Variants in AFF3 observed in about 807,000 individuals in gnomAD.
The protein encoded by AFF3 is ALF transcription elongation factor 3, also known as AF4/FMR2 family member 3.
Under a neutral mutation model 129.7 loss-of-function variants are expected in AFF3, and 32 were observed. The observed-to-expected ratio is 0.25, with a 90% CI of 0.19 to 0.33. The LOEUF is 0.33. Ranked by LOEUF, AFF3 falls within the 10% of genes least tolerant of loss-of-function variation. The pLI is 1.00. For missense variants in AFF3, 1,373 were observed against 1,592.0 expected (o/e 0.86, Z 2.34); for synonymous variants, 644 against 635.4 (o/e 1.01, Z -0.20).
intron 7 of AFF3, among the ~76,000 whole-genome samples, chr2:99,855,719 G>A (rs1690475435): frequency 6.6e-6 from 1 of 152,130 alleles, no homozygotes; most frequent in Non-Finnish European, 1.5e-5. Flanking sequence ...CAAGAAGGTG[G>A]AGCGTAACTC....
chr2:99,611,702 C>T (rs1680941175), intron 13 of AFF3, among the ~76,000 whole-genome samples: 1 of 152,098 alleles, frequency 6.6e-6, no homozygotes, highest in African/African-American at 2.4e-5. Context: ...GCCTGGCCAA[C>T]ATGGTAAAAC....
intron 8 of AFF3, among the ~76,000 whole-genome samples, chr2:99,814,887 T>A (rs1338186658): frequency 6.6e-6 from 1 of 151,102 alleles, no homozygotes; most frequent in Non-Finnish European, 1.5e-5. Flanking sequence ...TCTCACTCTG[T>A]CACCCAGGAT....
chr2:99,683,952 T>C (rs1162929499), intron 11 of AFF3, among the ~76,000 whole-genome samples: 3 of 152,182 alleles, frequency 2.0e-5, no homozygotes, highest in Admixed American at 6.5e-5. Context: ...TTTTTCCTTG[T>C]AGTTTTATTC....
At chr2:99,811,821 CT>C (rs1301250469) in intron 8 of AFF3, among the ~76,000 whole-genome samples, 1 of 152,236 alleles carries the variant, frequency 6.6e-6, no homozygotes, top group East Asian at 1.9e-4. Flanking sequence ...AAGTCACACG[CT>C]TTATGTCTGC....
chr2:99,556,514 G>A (rs183015297), intron 22 of AFF3, among the ~76,000 whole-genome samples: 42 of 152,266 alleles, frequency 2.8e-4, no homozygotes. Context: ...AAGAAATACC[G>A]GTAGGAACAA....
chr2:99,662,921 C>T (rs1686371075), intron 12 of AFF3, among the ~76,000 whole-genome samples: 1 of 152,206 alleles, frequency 6.6e-6, no homozygotes, highest in South Asian at 2.1e-4. Context: ...TTTATTCAGA[C>T]TTGGCTGCCT....
At chr2:99,726,469 T>C (rs538220178) in intron 11 of AFF3, among the ~76,000 whole-genome samples, 37 of 152,372 alleles carry the variant, frequency 2.4e-4, no homozygotes, top group Non-Finnish European at 3.2e-4. Flanking sequence ...AATTTTTTAA[T>C]TTAAATGTTG....
At chr2:99,885,869 T>C (rs1693075257) in intron 7 of AFF3, among the ~76,000 whole-genome samples, 1 of 152,176 alleles carries the variant, frequency 6.6e-6, no homozygotes, top group Non-Finnish European at 1.5e-5. Flanking sequence ...TTGGAATCTA[T>C]CATGTGATAG....
At chr2:99,952,589 A>G (rs1315090255) in intron 7 of AFF3, among the ~76,000 whole-genome samples, 1 of 152,088 alleles carries the variant, frequency 6.6e-6, no homozygotes, top group Non-Finnish European at 1.5e-5. Flanking sequence ...GTGTGTTATT[A>G]TTTCTAGGCT....
chr2:99,843,281 C>G (rs1284451736), intron 7 of AFF3, among the ~76,000 whole-genome samples: 1 of 152,128 alleles, frequency 6.6e-6, no homozygotes, highest in Non-Finnish European at 1.5e-5. Flanking sequence ...CAGTTCTCTC[C>G]CAAATTCAGC....
At chr2:100,009,598 TTGTGTCA>T (rs1354564865) in intron 4 of AFF3, among the ~76,000 whole-genome samples, 4 of 152,184 alleles carry the variant, frequency 2.6e-5, no homozygotes, top group Non-Finnish European at 5.9e-5. Flanking sequence ...TTGAATTATG[TTGTGTCA>T]TCAAGGAACT....
At chr2:99,878,778 C>T (rs1692481458) in intron 7 of AFF3, among the ~76,000 whole-genome samples, 1 of 152,148 alleles carries the variant, frequency 6.6e-6, no homozygotes, top group Admixed American at 6.5e-5. Context: ...AGGGGATTCC[C>T]AATGCCTGCC....
intron 7 of AFF3, among the ~76,000 whole-genome samples, chr2:99,923,407 A>G (rs778780673): frequency 1.3e-5 from 2 of 152,226 alleles, no homozygotes; most frequent in African/African-American, 2.4e-5. Flanking sequence ...AAGTAGCTCG[A>G]AAGAAAAAGG....
chr2:99,598,534 C>T (rs1162487505), intron 14 of AFF3, among the ~76,000 whole-genome samples: 8 of 152,218 alleles, frequency 5.3e-5, no homozygotes, highest in Admixed American at 5.2e-4. Flanking sequence ...CCAGAAAGAA[C>T]ATCTCCTACG....
At chr2:99,941,657 A>G (rs1675050598) in intron 7 of AFF3, among the ~76,000 whole-genome samples, 1 of 152,252 alleles carries the variant, frequency 6.6e-6, no homozygotes, top group Non-Finnish European at 1.5e-5. Context: ...GGGGCTTCTT[A>G]CAAAGCTTCC....
At position 99,860,646 on chromosome 2, in the gene AFF3, T is replaced by C. The variant is rs1174205494; in HGVS notation, c.874-23122A>G. ...AGGAGGCTGAGGTAGGAGAATGGCTTGAACCCAGGAGGTAGAGGTTACAGT... is the reference window on the plus strand; with the variant it reads ...AGGAGGCTGAGGTAGGAGAATGGCTCGAACCCAGGAGGTAGAGGTTACAGT... On this transcript the variant is annotated intron_variant, in intron 7 of 24. Coordinates refer to ENST00000672756, the MANE Select transcript of AFF3 (RefSeq NM_001386135.1). Among the ~76,000 whole-genome samples, 3 of 152,008 alleles carry C rather than the reference T, an allele frequency of 2.0e-5. No individual in the cohort carries two copies. The East Asian group carries it at 5.8e-4, about 29-fold the overall frequency.
At chr2:99,919,409 A>C (rs146838786) in intron 7 of AFF3, among the ~76,000 whole-genome samples, 1 of 152,150 alleles carries the variant, frequency 6.6e-6, no homozygotes, top group Non-Finnish European at 1.5e-5. Context: ...TGGGTTGTCG[A>C]ATACGGGATG....
At chr2:99,586,341 G>A (rs756503326) in intron 16 of AFF3, among the ~76,000 whole-genome samples, 4 of 152,182 alleles carry the variant, frequency 2.6e-5, no homozygotes, top group Non-Finnish European at 5.9e-5. Context: ...GCTGCAGTGT[G>A]CCTGTGTGTG....
chr2:99,618,224 CTTTTTTTTT>C lies in AFF3; in HGVS notation c.1185-16612_1185-16604del, dbSNP rs70940180. Among the ~76,000 whole-genome samples the C allele has an allele frequency of 2.0e-3, 162 of 80,074 alleles. 1 individual carries two copies. Among genetic ancestry groups the C allele is most frequent in the African/African-American group, 8.3e-3 (147 of 17,690 alleles). 52.5% of individuals were successfully genotyped at this position (80,074 alleles called of 152,430 possible). A position where few individuals can be genotyped will look rare whatever the true frequency, so the allele number is the denominator to read the frequency against. ...TAGATGAGAAAATGCTCATAACATT[CTTTTTTTTT>C]TTTTTTTTTTTTTTTTTTTTGAGAC... is the stretch of plus-strand genomic sequence containing the variant. On this transcript the variant is annotated intron_variant, in intron 13 of 24. Transcript: ENST00000672756.
Sources: allele counts gnomAD v4.1 joint callset (sites outside exome capture counted in the v4.1 genomes callset), GRCh38; gene constraint gnomAD v4.1.1; transcripts MANE v1.5; gene names NCBI Gene and HGNC (gene_info 2026-07-23, HGNC 2026-07-21).